The following TRAPPC8 variants were observed in gnomAD, a reference collection of about 807,000 sequenced individuals.
TRAPPC8 encodes trafficking protein particle complex subunit 8.
A neutral mutation model predicts 174.3 loss-of-function variants in TRAPPC8; 54 were observed. The ratio of observed to expected loss-of-function variants is 0.31; its 90% confidence interval spans 0.25 to 0.39. The LOEUF is 0.39. Ranked by LOEUF, TRAPPC8 falls within the 10% of genes least tolerant of loss-of-function variation. The pLI, the probability that TRAPPC8 is intolerant of heterozygous loss-of-function variation, is 1.00. For missense variants in TRAPPC8, 1,531 were observed against 1,699.1 expected (o/e 0.90, Z 1.74); for synonymous variants, 630 against 579.9 (o/e 1.09, Z -1.24).
chr18:31,920,067 A>G (rs1235257116), intron 2 of TRAPPC8, among the ~76,000 whole-genome samples: 1 of 152,224 alleles, frequency 6.6e-6, no homozygotes, highest in Non-Finnish European at 1.5e-5. Context: ...TGTAGTACCA[A>G]TGATAAGAAA....
intron 1 of TRAPPC8, among the ~76,000 whole-genome samples, chr18:31,939,912 C>G (rs1436022755): frequency 6.6e-6 from 1 of 152,140 alleles, no homozygotes; most frequent in East Asian, 1.9e-4. Flanking sequence ...CTTCCCTAAT[C>G]TTCCCCAGTC....
intron 15 of TRAPPC8, 142 bp from the exon 16 acceptor site, chr18:31,870,644 T>G: frequency 1.0e-6 from 1 of 959,074 alleles, no homozygotes; most frequent in Non-Finnish European, 1.5e-6. Flanking sequence ...TGTCCACGTA[T>G]TCAGGATTCT....
rs114750326 is a variant in TRAPPC8, at chr18:31,876,035, T to C, written c.1729-1331A>G. Among the ~76,000 whole-genome samples, 608 of 152,262 alleles carry C rather than the reference T, an allele frequency of 4.0e-3. 2 individuals are homozygous for C. The highest frequency in any genetic ancestry group is 0.014 in the African/African-American group (575 of 41,538). ...ATAGTTTACAACCATCTACTCTACA[T>C]TTCAAAATAGAGAATTTGAATGGTT... On this transcript the variant is annotated intron_variant, in intron 12 of 28. Coordinates refer to ENST00000283351, the MANE Select transcript of TRAPPC8 (RefSeq NM_014939.5).
At chr18:31,854,228 G>C (rs1339825480) in intron 21 of TRAPPC8, among the ~76,000 whole-genome samples, 1 of 151,912 alleles carries the variant, frequency 6.6e-6, no homozygotes, top group Non-Finnish European at 1.5e-5. Flanking sequence ...ATGAGCTATT[G>C]GTAGTATTTA....
chr18:31,923,833 T>A (rs549035146), intron 2 of TRAPPC8, among the ~76,000 whole-genome samples: 2 of 152,112 alleles, frequency 1.3e-5, no homozygotes, highest in East Asian at 3.9e-4. Flanking sequence ...GGCAACTTAG[T>A]GAGACCCTAT....
At position 31,830,548 on chromosome 18, in the gene TRAPPC8, C is replaced by G. The variant is rs1269821470; in HGVS notation, c.*207G>C. On this transcript the variant is annotated 3_prime_UTR_variant, in exon 29 of 29. Transcript: ENST00000283351. ...CTGTATTATGAGCATGTAAATTATT[C>G]TCAGGGTTTAAAGAAATACAGAAAA... 9.8e-5 allele frequency: 55 copies of G among 559,134 alleles called. No homozygotes were observed. Among genetic ancestry groups the G allele is most frequent in the Non-Finnish European group, 7.6e-5 (24 of 316,086 alleles). 34.6% of individuals were successfully genotyped at this position (559,134 alleles called of 1,614,324 possible).
intron 19 of TRAPPC8, among the ~76,000 whole-genome samples, chr18:31,858,441 G>C (rs2034149941): frequency 6.6e-6 from 1 of 152,156 alleles, no homozygotes; most frequent in Admixed American, 6.6e-5. Flanking sequence ...AGAATGGGCA[G>C]ATCTATGATT....
At chr18:31,882,575 T>C (rs1236708621) in intron 12 of TRAPPC8, among the ~76,000 whole-genome samples, 10 of 152,192 alleles carry the variant, frequency 6.6e-5, no homozygotes, top group Non-Finnish European at 8.8e-5. Context: ...AATATACTCA[T>C]GCAGCAAACA....
intron 11 of TRAPPC8, among the ~76,000 whole-genome samples, chr18:31,894,142 G>GCTCC (rs1174473369): frequency 6.6e-6 from 1 of 152,188 alleles, no homozygotes; most frequent in East Asian, 1.9e-4. Flanking sequence ...CTTGCATGTG[G>GCTCC]AGAATCAGTT....
At chr18:31,871,412 T>C (rs778267631) in intron 14 of TRAPPC8, among the ~76,000 whole-genome samples, 1 of 152,048 alleles carries the variant, frequency 6.6e-6, no homozygotes, top group African/African-American at 2.4e-5. Context: ...GAGACTAATA[T>C]AACAAATATT....
chr18:31,907,264 T>A (rs534180878), intron 9 of TRAPPC8, among the ~76,000 whole-genome samples, 196 bp downstream of exon 9: 1 of 152,270 alleles, frequency 6.6e-6, no homozygotes, highest in East Asian at 1.9e-4. Context: ...ACTACAGGCA[T>A]GTGCCACCAT....
intron 17 of TRAPPC8, 96 bp downstream of exon 17, chr18:31,867,306 C>G: frequency 2.1e-6 from 2 of 942,586 alleles, no homozygotes; most frequent in Middle Eastern, 3.1e-4. Flanking sequence ...CTTAAGAAAA[C>G]TAGAATATAA....
intron 11 of TRAPPC8, among the ~76,000 whole-genome samples, chr18:31,895,392 G>A (rs1246813729): frequency 6.6e-6 from 1 of 152,084 alleles, no homozygotes; most frequent in Non-Finnish European, 1.5e-5. Flanking sequence ...TAAGAATCAC[G>A]ATTTCTGGGT....
chr18:31,940,477 A>C (rs1222190041), intron 1 of TRAPPC8, among the ~76,000 whole-genome samples: 1 of 152,136 alleles, frequency 6.6e-6, no homozygotes, highest in Non-Finnish European at 1.5e-5. Flanking sequence ...AAAAAACAAA[A>C]AACAAAAAAA....
At chr18:31,864,991 T>C (rs979509383) in intron 18 of TRAPPC8, among the ~76,000 whole-genome samples, 1 of 152,122 alleles carries the variant, frequency 6.6e-6, no homozygotes, top group African/African-American at 2.4e-5. Context: ...CACTTGGTTT[T>C]AGATATACTT....
Position 31,916,296 on chromosome 18 carries a change from T to A in TRAPPC8, c.593A>T (p.Asp198Val). 6.3e-7 allele frequency: 1 copy of A among 1,576,346 alleles called. No individual in the cohort carries two copies. Among genetic ancestry groups the A allele is most frequent in the Non-Finnish European group, 8.6e-7 (1 of 1,164,534 alleles). Residue 198 changes from aspartate to valine, a missense_variant, in exon 4 of 29, where the codon GAT becomes GTT. Physicochemically the swap from Asp to Val is radical, Grantham distance 152 (BLOSUM62 -3). Transcript: ENST00000283351. Reference protein sequence around the residue: ...NTLKYYVLLHDVSAGDEQRAE... With the variant: ...NTLKYYVLLHVVSAGDEQRAE... ...CCTCTGTTCATCTCCTGCACTTACATCATGTAAAAGTACATAGTATTTAAG... is the reference window on the plus strand; with the variant it reads ...CCTCTGTTCATCTCCTGCACTTACAACATGTAAAAGTACATAGTATTTAAG...
chr18:31,920,104 G>A (rs9807439), intron 2 of TRAPPC8, among the ~76,000 whole-genome samples: 39,250 of 151,908 alleles, frequency 0.26, 5,367 homozygotes, highest in Middle Eastern at 0.38. Flanking sequence ...GAAAATTATC[G>A]TTAAATAGAA....
At chr18:31,838,746 T>C (rs1284870715) in intron 27 of TRAPPC8, among the ~76,000 whole-genome samples, 2 of 152,338 alleles carry the variant, frequency 1.3e-5, no homozygotes, top group South Asian at 2.1e-4. Flanking sequence ...TCTTGAACTA[T>C]TCTCACTCAA....
At position 31,829,881 on chromosome 18, in the gene TRAPPC8, C is replaced by A. The variant is rs2032255939; in HGVS notation, c.*874G>T. ...AATTTCTTATGTCCAAATGCCCATT[C>A]TCTGAATAAAAAAATATTTTGAAAC... On this transcript the variant is annotated 3_prime_UTR_variant, in exon 29 of 29. Transcript: ENST00000283351. The A allele has an allele frequency of 1.3e-5, 2 of 152,598 alleles. No individual in the cohort carries two copies. The allele number at this position is 152,598 out of a possible 1,614,324, so 9.5% of individuals were successfully genotyped here.
Sources: allele counts gnomAD v4.1 joint callset (sites outside exome capture counted in the v4.1 genomes callset), GRCh38; gene constraint gnomAD v4.1.1; transcripts MANE v1.5; gene names NCBI Gene and HGNC (gene_info 2026-07-23, HGNC 2026-07-21).